Variants in ATAD2B observed in about 807,000 individuals in gnomAD.
ATAD2B encodes ATPase family AAA domain-containing protein 2B.
A neutral mutation model predicts 167.6 loss-of-function variants in ATAD2B; 40 were observed. That is an observed-to-expected ratio of 0.24 (90% CI 0.19 to 0.31). The LOEUF (loss-of-function observed/expected upper bound fraction) is 0.31, where lower values mean the gene tolerates loss of function less well. Among genes scored for constraint, ATAD2B ranks in the 10% least tolerant of loss-of-function variants. The pLI is 1.00. For missense variants in ATAD2B, 1,242 were observed against 1,757.2 expected, an observed-to-expected ratio of 0.71 and a Z score of 5.24; for synonymous variants, 579 against 596.5, an observed-to-expected ratio of 0.97 and a Z score of 0.43.
At chr2:23,689,485 T>C in the ATAD2B span, 3 of 152,504 alleles carry the variant, frequency 2.0e-5, no homozygotes, top group Non-Finnish European at 2.9e-5. Flanking sequence ...ACCGGGGGAC[T>C]TCACGGCTCT....
intron 17 of ATAD2B, among the ~76,000 whole-genome samples, chr2:23,812,540 T>C (rs557524953): frequency 2.6e-5 from 4 of 152,032 alleles, no homozygotes; most frequent in African/African-American, 9.7e-5. Context: ...GAAAGAACAA[T>C]CAAGTAAGAA....
chr2:23,792,962 C>CAAAAAAAA lies in ATAD2B; in HGVS notation c.2641-4323_2641-4316dup, dbSNP rs36015161. Among the ~76,000 whole-genome samples, 26 of 42,542 alleles carry CAAAAAAAA rather than the reference C, an allele frequency of 6.1e-4. 1 individual carries two copies. The highest frequency in any genetic ancestry group is 2.0e-3 in the African/African-American group (17 of 8,714). The allele number at this position is 42,542 out of a possible 152,430, so 27.9% of individuals were successfully genotyped here. The stretch of plus-strand genomic sequence containing the variant: ...TGGGCAACAGCGAGAGACTCTGTCT[C>CAAAAAAAA]AAAAAAAAAAAAAAAAAAAAAAAAA... On this transcript the variant is annotated intron_variant, in intron 19 of 27. Transcript: ENST00000238789.
At position 23,762,313 on chromosome 2, in the gene ATAD2B, T is replaced by C. The variant is rs1206878825; in HGVS notation, c.3290A>G (p.His1097Arg). 6.2e-7 allele frequency: 1 copy of C among 1,613,560 alleles called. No individual in the cohort carries two copies. Among genetic ancestry groups the C allele is most frequent in the Non-Finnish European group, 8.5e-7 (1 of 1,179,714 alleles). ...LSVTSEQINP[H>R]STGARKTETR... Reference sequence around the variant, plus strand: ...TTCTGTCTTCCGAGCTCCAGTACTATGAGGATTTATTTGTTCTGATGTTAC... The same window carrying C: ...TTCTGTCTTCCGAGCTCCAGTACTACGAGGATTTATTTGTTCTGATGTTAC... Residue 1097 changes from histidine to arginine, a missense_variant, in exon 24 of 28, where the codon CAT becomes CGT. Transcript: ENST00000238789.
At chr2:23,828,974 C>T (rs1558615893) in intron 14 of ATAD2B, 35 bp from the exon 15 acceptor site, 6 of 1,415,152 alleles carry the variant, frequency 4.2e-6, no homozygotes, top group South Asian at 1.2e-5. Context: ...AAAATCTTGC[C>T]CAAGAAGAAA....
chr2:23,816,015 T>C (rs1686383895), intron 17 of ATAD2B, among the ~76,000 whole-genome samples: 1 of 152,204 alleles, frequency 6.6e-6, no homozygotes, highest in Non-Finnish European at 1.5e-5. Flanking sequence ...GGACAATGTC[T>C]GGAACATGAT....
At chr2:23,736,770 G>T in the ATAD2B span, among the ~76,000 whole-genome samples, 2 of 152,152 alleles carry the variant, frequency 1.3e-5, no homozygotes, top group African/African-American at 4.8e-5. Context: ...AAGTGCAAGG[G>T]GTCAGGGAAT....
intron 19 of ATAD2B, among the ~76,000 whole-genome samples, chr2:23,795,856 G>A (rs1249173208): frequency 1.3e-5 from 2 of 151,360 alleles, no homozygotes; most frequent in East Asian, 3.9e-4. Context: ...TCCAGCCTGG[G>A]TGGCTGAGTG....
At chr2:23,845,829 C>T (rs889666723) in intron 13 of ATAD2B, among the ~76,000 whole-genome samples, 1 of 147,418 alleles carries the variant, frequency 6.8e-6, no homozygotes, top group Non-Finnish European at 1.5e-5. Flanking sequence ...ATCTGCCTGC[C>T]TCAGCCTCTC....
chr2:23,758,125 G>A, intron 24 of ATAD2B, 24 bp from the exon 25 acceptor site: 1 of 1,501,486 alleles, frequency 6.7e-7, no homozygotes, highest in Non-Finnish European at 8.8e-7. Flanking sequence ...AAGGAAAAAA[G>A]ATATGTAGAA....
At chr2:23,753,307 C>A (rs1320793640) in intron 27 of ATAD2B, among the ~76,000 whole-genome samples, 1 of 152,118 alleles carries the variant, frequency 6.6e-6, no homozygotes, top group Non-Finnish European at 1.5e-5. Flanking sequence ...CTTTAATATA[C>A]TAAAAATATT....
chr2:23,735,068 T>G, the ATAD2B span, among the ~76,000 whole-genome samples: 1 of 152,222 alleles, frequency 6.6e-6, no homozygotes, highest in Non-Finnish European at 1.5e-5. Context: ...TCTATTTTCA[T>G]GTCATGGTAC....
At chr2:23,882,763 C>A (rs1403220255) in intron 6 of ATAD2B, among the ~76,000 whole-genome samples, 9 of 151,140 alleles carry the variant, frequency 6.0e-5, no homozygotes, top group Non-Finnish European at 1.2e-4. Flanking sequence ...TGAGCCGAGA[C>A]TGCACCACTG....
chr2:23,729,950 T>C, the ATAD2B span, among the ~76,000 whole-genome samples: 3 of 152,324 alleles, frequency 2.0e-5, no homozygotes, highest in East Asian at 5.8e-4. Flanking sequence ...ACAATTATAC[T>C]TGGAGATGTC....
intron 13 of ATAD2B, 41 bp from the exon 14 acceptor site, chr2:23,834,119 C>T: frequency 2.3e-6 from 2 of 865,990 alleles, no homozygotes. Flanking sequence ...GAATTGTAAA[C>T]ACTGCTGCTT....
intron 1 of ATAD2B, among the ~76,000 whole-genome samples, chr2:23,922,801 CA>C (rs1226055587): frequency 1.3e-5 from 2 of 151,150 alleles, no homozygotes; most frequent in African/African-American, 4.9e-5. Flanking sequence ...ATCAAAACCA[CA>C]ATGAGATATC....
chr2:23,717,505 A>T, the ATAD2B span, among the ~76,000 whole-genome samples: 1 of 152,166 alleles, frequency 6.6e-6, no homozygotes. Flanking sequence ...AAATAGAAGG[A>T]GGTGACGGGA....
chr2:23,825,314 A>G (rs961102449), intron 15 of ATAD2B, among the ~76,000 whole-genome samples: 1 of 152,042 alleles, frequency 6.6e-6, no homozygotes, highest in Non-Finnish European at 1.5e-5. Context: ...GGTGATTACT[A>G]AGAAAAACCT....
chr2:23,834,824 G>T (rs1448906822), intron 13 of ATAD2B, among the ~76,000 whole-genome samples: 1 of 152,114 alleles, frequency 6.6e-6, no homozygotes, highest in Non-Finnish European at 1.5e-5. Flanking sequence ...AGGCTGAGGT[G>T]GGCAGATTGC....
At chr2:23,805,802 A>AAAAAC (rs920283267) in intron 18 of ATAD2B, among the ~76,000 whole-genome samples, 2 of 128,536 alleles carry the variant, frequency 1.6e-5, no homozygotes, top group Non-Finnish European at 3.4e-5. Flanking sequence ...CTTTAAAAAA[A>AAAAAC]AAAAAACAAA....
Sources: allele counts gnomAD v4.1 joint callset (sites outside exome capture counted in the v4.1 genomes callset), GRCh38; gene constraint gnomAD v4.1.1; transcripts MANE v1.5; gene names NCBI Gene and HGNC (gene_info 2026-07-23, HGNC 2026-07-21).